CNTNAP5: variants seen among roughly 807,000 people sequenced by gnomAD.
The protein encoded by CNTNAP5 is contactin-associated protein-like 5.
A neutral mutation model predicts 150.2 loss-of-function variants in CNTNAP5; 72 were observed. That is an observed-to-expected ratio of 0.48 (90% confidence interval 0.40 to 0.58). CNTNAP5 has a LOEUF of 0.58. Among genes scored for constraint, CNTNAP5 ranks in the 20% least tolerant of loss-of-function variants. The pLI is 0.00. For synonymous variants in CNTNAP5, 672 were observed against 619.8 expected (o/e 1.08, Z -1.25); for missense variants, 1,636 against 1,626.2 (o/e 1.01, Z -0.10).
intron 1 of CNTNAP5, among the ~76,000 whole-genome samples, chr2:124,095,412 G>C (rs993350497): frequency 1.3e-5 from 2 of 152,114 alleles, no homozygotes; most frequent in Non-Finnish European, 2.9e-5. Context: ...TTAAAAGCTA[G>C]ATGACAGGTT....
At chr2:124,803,661 G>A (rs967678371) in intron 19 of CNTNAP5, among the ~76,000 whole-genome samples, 3 of 152,182 alleles carry the variant, frequency 2.0e-5, no homozygotes, top group Admixed American at 6.5e-5. Flanking sequence ...TTCAAAAGAT[G>A]CACTGTCTGC....
chr2:124,707,493 A>G (rs141018064), intron 13 of CNTNAP5, among the ~76,000 whole-genome samples: 80 of 152,314 alleles, frequency 5.3e-4, no homozygotes, highest in African/African-American at 1.9e-3. Flanking sequence ...GAGTGCAATA[A>G]ATGTTAATAA....
At chr2:124,419,264 T>A (rs936029161) in intron 4 of CNTNAP5, among the ~76,000 whole-genome samples, 3 of 152,010 alleles carry the variant, frequency 2.0e-5, no homozygotes, top group African/African-American at 7.2e-5. Flanking sequence ...CATGTCCTTA[T>A]CCTTTTGCTT....
intron 3 of CNTNAP5, among the ~76,000 whole-genome samples, chr2:124,381,907 G>A (rs1415497851): frequency 1.3e-5 from 2 of 152,118 alleles, no homozygotes; most frequent in African/African-American, 2.4e-5. Context: ...GAGGCGTGAA[G>A]CAAACTGAGA....
intron 3 of CNTNAP5, among the ~76,000 whole-genome samples, chr2:124,286,563 A>G (rs1228503966): frequency 6.6e-6 from 1 of 152,166 alleles, no homozygotes; most frequent in African/African-American, 2.4e-5. Context: ...TGTGAACACA[A>G]ACCTCCTGGG....
chr2:124,178,957 T>C (rs965600871), intron 1 of CNTNAP5, among the ~76,000 whole-genome samples: 1 of 143,556 alleles, frequency 7.0e-6, no homozygotes, highest in South Asian at 2.3e-4. Flanking sequence ...TTTATTTATT[T>C]TGTGTGTGTG....
chr2:124,128,809 G>A (rs1683778197), intron 1 of CNTNAP5, among the ~76,000 whole-genome samples: 1 of 152,124 alleles, frequency 6.6e-6, no homozygotes, highest in South Asian at 2.1e-4. Flanking sequence ...ACTATCGCAA[G>A]GGCAGAAAAC....
Position 124,063,029 on chromosome 2 carries a change from T to C in CNTNAP5, c.82+37297T>C, listed in dbSNP as rs114928947. The stretch of plus-strand genomic sequence containing the variant: ...GTGAGTTATTATTGGATTTGTTGTT[T>C]TGTTATGTTTTTGTTTCTTTTCCTG... On this transcript the variant is annotated intron_variant, in intron 1 of 23. Coordinates refer to ENST00000682447, the MANE Select transcript of CNTNAP5 (RefSeq NM_001367498.1). Among the ~76,000 whole-genome samples, 404 of 152,254 alleles carry C rather than the reference T, an allele frequency of 2.7e-3. 1 individual carries two copies. The highest frequency in any genetic ancestry group is 9.0e-3 in the African/African-American group (375 of 41,546).
At chr2:124,785,053 A>AC (rs1245901586) in intron 17 of CNTNAP5, among the ~76,000 whole-genome samples, 12 of 150,710 alleles carry the variant, frequency 8.0e-5, no homozygotes, top group East Asian at 7.8e-4. Flanking sequence ...AAAAAAAAAA[A>AC]AAAACAAAAG....
intron 18 of CNTNAP5, 107 bp from the exon 19 acceptor site, chr2:124,797,989 C>G (rs1211758620): frequency 5.7e-6 from 4 of 706,628 alleles, no homozygotes; most frequent in Non-Finnish European, 9.7e-6. Context: ...GCATGTATTA[C>G]TCCTCACACA....
intron 1 of CNTNAP5, among the ~76,000 whole-genome samples, chr2:124,110,971 T>A (rs769916624): frequency 6.6e-6 from 1 of 152,082 alleles, no homozygotes; most frequent in Non-Finnish European, 1.5e-5. Flanking sequence ...GCTCCTCTGA[T>A]CTCCCATGAT....
intron 12 of CNTNAP5, among the ~76,000 whole-genome samples, chr2:124,619,011 T>A (rs1677548075): frequency 6.6e-6 from 1 of 152,176 alleles, no homozygotes; most frequent in Non-Finnish European, 1.5e-5. Context: ...GGTACTCAAT[T>A]TATAAACAAC....
intron 13 of CNTNAP5, among the ~76,000 whole-genome samples, chr2:124,697,716 G>T (rs79078148): frequency 6.6e-6 from 1 of 151,672 alleles, no homozygotes; most frequent in African/African-American, 2.4e-5. Context: ...GAGTGCAGAC[G>T]CTGCCTGAGC....
chr2:124,866,928 T>C (rs1404780336), intron 20 of CNTNAP5, among the ~76,000 whole-genome samples: 1 of 152,142 alleles, frequency 6.6e-6, no homozygotes, highest in African/African-American at 2.4e-5. Flanking sequence ...CTTGTAAGAA[T>C]TTACACTCTT....
chr2:124,437,836 G>A (rs2104797775), intron 5 of CNTNAP5, among the ~76,000 whole-genome samples: 2 of 152,246 alleles, frequency 1.3e-5, no homozygotes, highest in Middle Eastern at 6.8e-3. Context: ...TTAAAGAATA[G>A]TGCTGGTCAA....
chr2:124,171,699 A>G (rs553223284), intron 1 of CNTNAP5, among the ~76,000 whole-genome samples: 1 of 152,322 alleles, frequency 6.6e-6, no homozygotes, highest in Admixed American at 6.5e-5. Context: ...CATTCTGGGC[A>G]TTCAGTAAAG....
intron 7 of CNTNAP5, 82 bp from the exon 8 acceptor site, chr2:124,504,210 G>C (rs1285853464): frequency 1.2e-5 from 16 of 1,375,394 alleles, no homozygotes; most frequent in African/African-American, 5.7e-5. Flanking sequence ...ATTAAGGTCA[G>C]CTCCAGGTGG....
At chr2:124,328,467 T>A (rs1220535330) in intron 3 of CNTNAP5, among the ~76,000 whole-genome samples, 1 of 152,174 alleles carries the variant, frequency 6.6e-6, no homozygotes, top group East Asian at 1.9e-4. Flanking sequence ...AATCTCCATT[T>A]TTTGTCCCCT....
At chr2:124,149,297 A>G (rs933473405) in intron 1 of CNTNAP5, among the ~76,000 whole-genome samples, 12 of 151,612 alleles carry the variant, frequency 7.9e-5, no homozygotes, top group African/African-American at 1.5e-4. Context: ...TGGCCTGTTC[A>G]GACATTAAAT....
Sources: gnomAD v4.1 joint callset for allele counts (sites outside exome capture counted in the v4.1 genomes callset) on GRCh38, gnomAD v4.1.1 for gene constraint, MANE v1.5 for transcripts, NCBI Gene and HGNC (gene_info 2026-07-23, HGNC 2026-07-21) for gene names.